AKR1C8: variants seen among roughly 807,000 people sequenced by gnomAD.
AKR1C8 encodes aldo-keto reductase family 1 member C8.
the AKR1C8 span, among the ~76,000 whole-genome samples, chr10:5,163,951 C>G: frequency 6.6e-6 from 1 of 152,072 alleles, no homozygotes; most frequent in Non-Finnish European, 1.5e-5. Context: ...CTTTGTGTAA[C>G]CAACAGGCTT....
chr10:5,143,481 G>C, the AKR1C8 span, among the ~76,000 whole-genome samples: 327 of 152,144 alleles, frequency 2.1e-3, 1 homozygote, highest in Non-Finnish European at 3.5e-3. Context: ...AGTTGGAATT[G>C]GCCATGGCAC....
At chr10:5,164,895 T>C in the AKR1C8 span, among the ~76,000 whole-genome samples, 2 of 152,192 alleles carry the variant, frequency 1.3e-5, no homozygotes, top group Non-Finnish European at 2.9e-5. Flanking sequence ...TACTGCATTT[T>C]CTTTCTCTCT....
the AKR1C8 span, among the ~76,000 whole-genome samples, chr10:5,116,966 C>T: frequency 2.0e-5 from 3 of 152,200 alleles, no homozygotes; most frequent in Admixed American, 6.5e-5. Context: ...TGAATCCAAT[C>T]TCTCCAAAAT....
the AKR1C8 span, among the ~76,000 whole-genome samples, chr10:5,125,504 C>T: frequency 1.2e-4 from 19 of 152,224 alleles, no homozygotes; most frequent in South Asian, 2.7e-3. Flanking sequence ...ATCTCACAGC[C>T]GGTGCTCTTT....
At chr10:5,167,620 A>C in the AKR1C8 span, among the ~76,000 whole-genome samples, 1 of 152,026 alleles carries the variant, frequency 6.6e-6, no homozygotes, top group Non-Finnish European at 1.5e-5. Flanking sequence ...AACAACACAC[A>C]CTGGGGCTTG....
chr10:5,123,313 G>A, the AKR1C8 span: 1 of 259,336 alleles, frequency 3.9e-6, no homozygotes, highest in Non-Finnish European at 8.2e-6. Context: ...TGGAGCTCTT[G>A]ACCAGGACCA....
chr10:5,141,318 A>T, the AKR1C8 span, among the ~76,000 whole-genome samples: 4 of 152,238 alleles, frequency 2.6e-5, no homozygotes, highest in East Asian at 5.8e-4. Flanking sequence ...TGCTATTTCC[A>T]TTACATCTGC....
At chr10:5,184,272 A>G in the AKR1C8 span, among the ~76,000 whole-genome samples, 1 of 152,062 alleles carries the variant, frequency 6.6e-6, no homozygotes, top group Non-Finnish European at 1.5e-5. Flanking sequence ...ACTCGAGAAA[A>G]TCTTCCTTCT....
chr10:5,153,357 G>C, the AKR1C8 span, among the ~76,000 whole-genome samples: 1 of 152,086 alleles, frequency 6.6e-6, no homozygotes, highest in Admixed American at 6.6e-5. Context: ...ATATAATTCT[G>C]TAATTTTTGA....
chr10:5,116,314 C>A, the AKR1C8 span, among the ~76,000 whole-genome samples: 1 of 152,068 alleles, frequency 6.6e-6, no homozygotes, highest in Non-Finnish European at 1.5e-5. Context: ...GTCATTGTGT[C>A]TCCCGGTGGC....
At chr10:5,165,816 C>A in the AKR1C8 span, among the ~76,000 whole-genome samples, 3 of 152,112 alleles carry the variant, frequency 2.0e-5, no homozygotes, top group Non-Finnish European at 4.4e-5. Context: ...TGTACAATGT[C>A]TCCCAGACAC....
chr10:5,174,523 A>T, the AKR1C8 span, among the ~76,000 whole-genome samples: 7 of 103,476 alleles, frequency 6.8e-5, no homozygotes, highest in African/African-American at 2.3e-4. Context: ...TGACCTTTAC[A>T]AACTGACTTT....
chr10:5,153,364 T>G, the AKR1C8 span, among the ~76,000 whole-genome samples: 13 of 152,208 alleles, frequency 8.5e-5, no homozygotes, highest in African/African-American at 3.1e-4. Context: ...TCTGTAATTT[T>G]TGAATAATAG....
the AKR1C8 span, among the ~76,000 whole-genome samples, chr10:5,125,469 C>T: frequency 6.6e-6 from 1 of 152,162 alleles, no homozygotes; most frequent in African/African-American, 2.4e-5. Flanking sequence ...AATACCTCCC[C>T]TAGGGCAACA....
the AKR1C8 span, among the ~76,000 whole-genome samples, chr10:5,120,488 G>A: frequency 0.015 from 2,247 of 152,046 alleles, 53 homozygotes; most frequent in African/African-American, 0.051. Context: ...TCCTTTTCCC[G>A]TGTTCTTTTT....
the AKR1C8 span, among the ~76,000 whole-genome samples, chr10:5,117,363 TG>T: frequency 6.6e-6 from 1 of 152,096 alleles, no homozygotes; most frequent in Non-Finnish European, 1.5e-5. Flanking sequence ...TACTGGTTCA[TG>T]GAGATATGGG....
chr10:5,152,041 A>G, the AKR1C8 span, among the ~76,000 whole-genome samples: 1 of 152,148 alleles, frequency 6.6e-6, no homozygotes, highest in Non-Finnish European at 1.5e-5. Context: ...AGGCATTATT[A>G]TTGTCATCTA....
At chr10:5,143,015 A>G in the AKR1C8 span, among the ~76,000 whole-genome samples, 1 of 152,192 alleles carries the variant, frequency 6.6e-6, no homozygotes, top group African/African-American at 2.4e-5. Flanking sequence ...GAATATATCA[A>G]GTGTAACCGT....
chr10:5,175,948 G>A, the AKR1C8 span, among the ~76,000 whole-genome samples: 2 of 152,064 alleles, frequency 1.3e-5, no homozygotes, highest in African/African-American at 4.8e-5. Flanking sequence ...TCTAATGGTA[G>A]TTTCTTTTGC....
Sources: gnomAD v4.1 joint callset for allele counts (sites outside exome capture counted in the v4.1 genomes callset) on GRCh38, gnomAD v4.1.1 for gene constraint, MANE v1.5 for transcripts, NCBI Gene and HGNC (gene_info 2026-07-23, HGNC 2026-07-21) for gene names.